TMEM217B: variants seen among roughly 807,000 people sequenced by gnomAD.
TMEM217B encodes the protein putative transmembrane protein 217B.
the TMEM217B span, among the ~76,000 whole-genome samples, chr6:37,229,338 T>TTTTTG: frequency 8.3e-6 from 1 of 121,092 alleles, no homozygotes; most frequent in South Asian, 3.0e-4. Flanking sequence ...ACTTTCAGTT[T>TTTTTG]TTTTTTTTTT....
At chr6:37,219,279 C>A in the TMEM217B span, among the ~76,000 whole-genome samples, 5 of 152,140 alleles carry the variant, frequency 3.3e-5, no homozygotes, top group African/African-American at 1.2e-4. Flanking sequence ...TGGTTCTCAA[C>A]CCTGGATCCA....
the TMEM217B span, among the ~76,000 whole-genome samples, chr6:37,253,274 T>C: frequency 6.6e-6 from 1 of 152,178 alleles, no homozygotes; most frequent in African/African-American, 2.4e-5. Flanking sequence ...CTTTTCATTT[T>C]CCCCTGTTTA....
At chr6:37,227,687 A>G in the TMEM217B span, among the ~76,000 whole-genome samples, 47 of 151,358 alleles carry the variant, frequency 3.1e-4, no homozygotes, top group East Asian at 1.9e-4. Context: ...CTCGTGATCC[A>G]CCCGCCTCAG....
chr6:37,221,760 T>G, the TMEM217B span, among the ~76,000 whole-genome samples: 927 of 152,212 alleles, frequency 6.1e-3, 2 homozygotes, highest in Non-Finnish European at 9.8e-3. Context: ...ATGAATGAGG[T>G]ACACAGACAA....
At chr6:37,214,372 C>T in the TMEM217B span, among the ~76,000 whole-genome samples, 3 of 152,202 alleles carry the variant, frequency 2.0e-5, no homozygotes, top group Non-Finnish European at 2.9e-5. Flanking sequence ...GGATTACAAG[C>T]GTGCGCCAGC....
At chr6:37,247,578 G>A in the TMEM217B span, among the ~76,000 whole-genome samples, 2 of 152,088 alleles carry the variant, frequency 1.3e-5, no homozygotes, top group South Asian at 2.1e-4. Flanking sequence ...GGTAGAGATG[G>A]GGTTTCACCA....
At chr6:37,224,182 G>A in the TMEM217B span, among the ~76,000 whole-genome samples, 3 of 145,238 alleles carry the variant, frequency 2.1e-5, no homozygotes, top group East Asian at 6.6e-4. Flanking sequence ...CAAATGATCC[G>A]CCTGCCTCGG....
the TMEM217B span, among the ~76,000 whole-genome samples, chr6:37,225,029 C>A: frequency 6.7e-6 from 1 of 150,170 alleles, no homozygotes; most frequent in Non-Finnish European, 1.5e-5. Flanking sequence ...AAAAAAAACA[C>A]CACCACCAAA....
At chr6:37,255,193 A>G in the TMEM217B span, among the ~76,000 whole-genome samples, 1 of 152,220 alleles carries the variant, frequency 6.6e-6, no homozygotes, top group South Asian at 2.1e-4. Context: ...AGAAAAATAG[A>G]GCCAGGCAAT....
At chr6:37,217,357 G>A in the TMEM217B span, among the ~76,000 whole-genome samples, 1 of 152,180 alleles carries the variant, frequency 6.6e-6, no homozygotes, top group Non-Finnish European at 1.5e-5. Flanking sequence ...CTGTTTATTT[G>A]TGATAGTATG....
At chr6:37,245,903 G>A in the TMEM217B span, among the ~76,000 whole-genome samples, 7 of 151,722 alleles carry the variant, frequency 4.6e-5, no homozygotes, top group East Asian at 9.7e-4. Flanking sequence ...GGGTTCAAGC[G>A]ATTCTCCTGC....
the TMEM217B span, among the ~76,000 whole-genome samples, chr6:37,213,790 C>T: frequency 6.6e-6 from 1 of 152,206 alleles, no homozygotes; most frequent in African/African-American, 2.4e-5. Context: ...AAACGTTCCT[C>T]CACAACCTGA....
chr6:37,229,340 T>TTTTG, the TMEM217B span, among the ~76,000 whole-genome samples: 10 of 123,060 alleles, frequency 8.1e-5, 1 homozygote, highest in Non-Finnish European at 1.5e-4. Flanking sequence ...TTTCAGTTTT[T>TTTTG]TTTTTTTTTT....
At chr6:37,230,741 C>T in the TMEM217B span, among the ~76,000 whole-genome samples, 2 of 152,036 alleles carry the variant, frequency 1.3e-5, no homozygotes, top group Non-Finnish European at 1.5e-5. Flanking sequence ...TTATAGAAGC[C>T]CTAGCAAACC....
the TMEM217B span, among the ~76,000 whole-genome samples, chr6:37,233,573 A>T: frequency 6.6e-6 from 1 of 152,154 alleles, no homozygotes; most frequent in Non-Finnish European, 1.5e-5. Context: ...CGCCCTCATG[A>T]CTTAATCATT....
chr6:37,229,335 G>GTTTTTTTTT, the TMEM217B span, among the ~76,000 whole-genome samples: 122 of 74,362 alleles, frequency 1.6e-3, 20 homozygotes, highest in South Asian at 3.2e-3. Flanking sequence ...GCAACTTTCA[G>GTTTTTTTTT]TTTTTTTTTT....
the TMEM217B span, among the ~76,000 whole-genome samples, chr6:37,249,287 T>G: frequency 6.6e-6 from 1 of 152,126 alleles, no homozygotes; most frequent in Non-Finnish European, 1.5e-5. Context: ...AAGGAAGAAA[T>G]GAATATTTCT....
At chr6:37,215,731 G>A in the TMEM217B span, among the ~76,000 whole-genome samples, 1 of 152,100 alleles carries the variant, frequency 6.6e-6, no homozygotes, top group Admixed American at 6.5e-5. Flanking sequence ...AGGCTTTCTG[G>A]AGTAGGCAAT....
chr6:37,224,427 T>TCG, the TMEM217B span, among the ~76,000 whole-genome samples: 1 of 150,226 alleles, frequency 6.7e-6, no homozygotes, highest in Non-Finnish European at 1.5e-5. Context: ...TGAAACCCTG[T>TCG]CTCTACTAAA....
Sources: gnomAD v4.1 joint callset for allele counts (sites outside exome capture counted in the v4.1 genomes callset) on GRCh38, gnomAD v4.1.1 for gene constraint, MANE v1.5 for transcripts, NCBI Gene and HGNC (gene_info 2026-07-23, HGNC 2026-07-21) for gene names.